Variants in CDYL2 observed in about 807,000 individuals in gnomAD.
CDYL2 encodes chromodomain Y like 2.
CDYL2 carries 23 observed loss-of-function variants against 49.4 expected under a neutral mutation model. The observed-to-expected ratio is 0.47, with a 90% CI of 0.34 to 0.66. CDYL2 has a LOEUF of 0.66. CDYL2 is among the 30% of genes least tolerant of loss of function. The pLI is 0.01. For synonymous variants in CDYL2, 360 were observed against 268.8 expected, an observed-to-expected ratio of 1.34 and a Z score of -3.32; for missense variants, 678 against 656.4, an observed-to-expected ratio of 1.03 and a Z score of -0.36.
intron 2 of CDYL2, among the ~76,000 whole-genome samples, chr16:80,659,524 G>T (rs1908955138): frequency 2.0e-5 from 3 of 151,944 alleles, no homozygotes; most frequent in Admixed American, 2.0e-4. Context: ...ATATTAAGGG[G>T]TAAGGAGGCA....
rs762507376 is a variant in CDYL2 at position 80,620,808 on chromosome 16, G to C, written c.962C>G (p.Ser321Cys). The change falls in exon 4 of 7, where the codon TCC (serine) becomes TGC (cysteine). Residue 321 changes from serine (S) to cysteine (C), a missense_variant. Physicochemically the swap from Ser to Cys is moderately radical, Grantham distance 112. This residue lies in a region of CDYL2 where 478 missense variants were observed against 427.0 expected (regional missense o/e 1.12). Coordinates refer to ENST00000570137, the MANE Select transcript of CDYL2 (RefSeq NM_152342.4). ...LDYSYLIGRL[S>C]SDRRKESTRI... ...AGTGCTCTCCTTTCGCCGGTCGCTG[G>C]ACAACCGGCCAATTAGGTAGGAATA... is the stretch of plus-strand genomic sequence containing the variant. The C allele has an allele frequency of 1.2e-6, 2 of 1,610,970 alleles. No individual in the cohort carries two copies. The highest frequency in any genetic ancestry group is 8.5e-7 in the Non-Finnish European group (1 of 1,177,912).
At chr16:80,794,682 G>C (rs1373509715) in intron 1 of CDYL2, among the ~76,000 whole-genome samples, 2 of 143,274 alleles carry the variant, frequency 1.4e-5, no homozygotes, top group African/African-American at 5.4e-5. Context: ...CGTGATCTCG[G>C]CTCACTGCAA....
chr16:80,737,696 T>C (rs933278468), intron 1 of CDYL2, among the ~76,000 whole-genome samples: 1 of 152,198 alleles, frequency 6.6e-6, no homozygotes, highest in Non-Finnish European at 1.5e-5. Flanking sequence ...AAGACACAGA[T>C]GGCTGGGCTG....
At chr16:80,663,203 G>A (rs1364763591) in intron 2 of CDYL2, among the ~76,000 whole-genome samples, 1 of 151,546 alleles carries the variant, frequency 6.6e-6, no homozygotes, top group African/African-American at 2.4e-5. Context: ...TTGGGGAGCA[G>A]ATACAATTAA....
intron 1 of CDYL2, among the ~76,000 whole-genome samples, chr16:80,771,369 T>C (rs1449824833): frequency 2.0e-5 from 3 of 152,200 alleles, no homozygotes; most frequent in Non-Finnish European, 2.9e-5. Context: ...GGATGCTTAT[T>C]ATGTCCAATG....
chr16:80,758,598 A>G (rs1412731562), intron 1 of CDYL2, among the ~76,000 whole-genome samples: 2 of 141,706 alleles, frequency 1.4e-5, no homozygotes, highest in East Asian at 2.1e-4. Flanking sequence ...GCTGGAGGGC[A>G]GTGGCACGAT....
intron 1 of CDYL2, among the ~76,000 whole-genome samples, chr16:80,798,430 C>T (rs1416767934): frequency 1.3e-5 from 2 of 152,190 alleles, no homozygotes; most frequent in Non-Finnish European, 2.9e-5. Context: ...CCTCCTCCTC[C>T]TCAGTCTACA....
At chr16:80,766,668 C>T (rs1015483741) in intron 1 of CDYL2, among the ~76,000 whole-genome samples, 7 of 152,140 alleles carry the variant, frequency 4.6e-5, no homozygotes, top group African/African-American at 1.7e-4. Flanking sequence ...TGAGATGACA[C>T]AACTAATAAC....
intron 1 of CDYL2, among the ~76,000 whole-genome samples, chr16:80,750,998 C>T (rs1906116481): frequency 3.3e-5 from 5 of 150,182 alleles, no homozygotes; most frequent in Admixed American, 2.6e-4. Flanking sequence ...CCAGCCTGGG[C>T]GACAGAGTGA....
intron 1 of CDYL2, among the ~76,000 whole-genome samples, chr16:80,690,285 A>C (rs737176): frequency 6.6e-6 from 1 of 151,790 alleles, no homozygotes; most frequent in African/African-American, 2.4e-5. Flanking sequence ...ACTGACAGCA[A>C]ACTCAGCCTG....
Position 80,684,550 on chromosome 16 carries a change from C to A in CDYL2, c.604G>T (p.Glu202Ter). ...AAAAGCTACAAACCGAGCCCGTTCT[C>A]CGCCAGTGTAGCGTGATTCACGTCA... is the stretch of plus-strand genomic sequence containing the variant. Reference protein sequence around the residue: ...ECDVNHATLAENGLGSALTNG... With the variant: ...ECDVNHATLA Residue 202 changes from glutamate (E) to a stop codon, truncating the protein, a stop_gained, in exon 2 of 7, where the codon GAG becomes TAG. Coordinates refer to ENST00000570137, the MANE Select transcript of CDYL2 (RefSeq NM_152342.4). LOFTEE classifies it high-confidence loss of function. 1 of 1,612,502 alleles carries A rather than the reference C, an allele frequency of 6.2e-7. No individual in the cohort carries two copies. The highest frequency in any genetic ancestry group is 8.5e-7 in the Non-Finnish European group (1 of 1,178,860).
At chr16:80,675,726 G>C (rs1012565614) in intron 2 of CDYL2, among the ~76,000 whole-genome samples, 2 of 150,046 alleles carry the variant, frequency 1.3e-5, no homozygotes, top group Non-Finnish European at 3.0e-5. Flanking sequence ...CCTCAATAAG[G>C]AGAGCGGCTT....
chr16:80,667,493 T>C (rs1426026034), intron 2 of CDYL2, among the ~76,000 whole-genome samples: 1 of 152,190 alleles, frequency 6.6e-6, no homozygotes, highest in African/African-American at 2.4e-5. Context: ...CCCTCAGTAA[T>C]TCCTTCCCCT....
At chr16:80,705,303 G>C (rs1322058431) in intron 1 of CDYL2, among the ~76,000 whole-genome samples, 2 of 152,242 alleles carry the variant, frequency 1.3e-5, no homozygotes, top group Non-Finnish European at 2.9e-5. Flanking sequence ...AAAGCGGGCA[G>C]GGAGATTCCT....
At position 80,719,230 on chromosome 16, in the gene CDYL2, T is replaced by A. The variant is rs535621018; in HGVS notation, c.25-34101A>T. Among the ~76,000 whole-genome samples the A allele has an allele frequency of 1.6e-3, 240 of 151,886 alleles. 1 individual carries two copies. The highest frequency in any genetic ancestry group is 5.7e-3 in the African/African-American group (234 of 41,406). On this transcript the variant is annotated intron_variant, in intron 1 of 6. Transcript: ENST00000570137. ...TGTTTCTCAAACTGGAGTCTGAGGA[T>A]CCCCAGAGGTACCTGTAAAACTGAA... is the stretch of plus-strand genomic sequence containing the variant.
chr16:80,664,365 A>T (rs7203749), intron 2 of CDYL2, among the ~76,000 whole-genome samples: 2,461 of 152,224 alleles, frequency 0.016, 57 homozygotes, highest in African/African-American at 0.037. Flanking sequence ...TCTCTTCCAG[A>T]CAGCTGTCTC....
intron 2 of CDYL2, among the ~76,000 whole-genome samples, chr16:80,649,264 T>C (rs766269963): frequency 1.3e-5 from 2 of 152,052 alleles, no homozygotes; most frequent in South Asian, 2.1e-4. Context: ...CAAACAACTA[T>C]TAGAACCAAT....
rs71143647 is a variant in CDYL2, at chr16:80,748,122, AAATAATAATAATAAT to A, written c.24+56013_24+56027del. Among the ~76,000 whole-genome samples the A allele has an allele frequency of 2.6e-3, 354 of 136,000 alleles. 1 individual carries two copies. Among genetic ancestry groups the A allele is most frequent in the African/African-American group, 6.7e-3 (248 of 37,276 alleles). 89.2% of individuals were successfully genotyped at this position (136,000 alleles called of 152,430 possible). Reference sequence around the variant, plus strand: ...ACTCACAGGTGATTCTGGGAAGATTAAATAATAATAATAATAATAATAATAATAATAATAATAATA... The same window carrying A: ...ACTCACAGGTGATTCTGGGAAGATTAAATAATAATAATAATAATAATAATA... On this transcript the variant is annotated intron_variant, in intron 1 of 6. Coordinates refer to ENST00000570137, the MANE Select transcript of CDYL2 (RefSeq NM_152342.4).
intron 2 of CDYL2, among the ~76,000 whole-genome samples, chr16:80,668,449 T>C (rs1909361230): frequency 1.1e-5 from 1 of 92,492 alleles, no homozygotes; most frequent in African/African-American, 3.8e-5. Context: ...TAAGTAAATA[T>C]GTAATATAAT....
Sources: gnomAD v4.1 joint callset for allele counts (sites outside exome capture counted in the v4.1 genomes callset) on GRCh38, gnomAD v4.1.1 for gene constraint, gnomAD v4.1.1 regional missense constraint, MANE v1.5 for transcripts, NCBI Gene and HGNC (gene_info 2026-07-23, HGNC 2026-07-21) for gene names.